Variants in GALNTL6 observed in about 807,000 individuals in gnomAD.
The protein encoded by GALNTL6 is polypeptide N-acetylgalactosaminyltransferase like 6.
Under a neutral mutation model 73.7 loss-of-function variants are expected in GALNTL6, and 46 were observed. The observed-to-expected ratio is 0.62, with a 90% CI of 0.49 to 0.80. GALNTL6 has a LOEUF of 0.80. Ranked by LOEUF, GALNTL6 falls within the 30% of genes least tolerant of loss-of-function variation. The pLI is 0.00. For missense variants in GALNTL6, 604 were observed against 755.0 expected (o/e 0.80, Z 2.34); for synonymous variants, 259 against 263.7 (o/e 0.98, Z 0.17).
chr4:172,855,157 CA>C (rs1160012719), intron 7 of GALNTL6, among the ~76,000 whole-genome samples: 1 of 126,080 alleles, frequency 7.9e-6, no homozygotes, highest in African/African-American at 3.0e-5. Context: ...GCAAATTATG[CA>C]AGTGGAAAGC....
chr4:172,723,327 C>A (rs1735597766), intron 5 of GALNTL6, among the ~76,000 whole-genome samples: 2 of 152,088 alleles, frequency 1.3e-5, no homozygotes, highest in South Asian at 2.1e-4. Flanking sequence ...AAAAAGAGGA[C>A]CTCTATTGTC....
At chr4:171,903,883 G>C (rs918072792) in intron 2 of GALNTL6, among the ~76,000 whole-genome samples, 90 of 152,248 alleles carry the variant, frequency 5.9e-4, no homozygotes, top group African/African-American at 1.6e-3. Context: ...AGCAGGGGCA[G>C]ACTGACACCT....
chr4:172,009,842 A>G (rs1382026091), intron 2 of GALNTL6, among the ~76,000 whole-genome samples: 4 of 152,090 alleles, frequency 2.6e-5, no homozygotes, highest in African/African-American at 9.7e-5. Flanking sequence ...GTGTTTCACT[A>G]TTAGGGACCT....
chr4:171,953,571 A>G (rs365185), intron 2 of GALNTL6, among the ~76,000 whole-genome samples: 1 of 152,030 alleles, frequency 6.6e-6, no homozygotes, highest in African/African-American at 2.4e-5. Context: ...CTCCTTAAAG[A>G]AAATTACAGA....
intron 2 of GALNTL6, among the ~76,000 whole-genome samples, chr4:171,853,120 C>T (rs1275403716): frequency 6.6e-6 from 1 of 150,834 alleles, no homozygotes; most frequent in East Asian, 2.0e-4. Context: ...GCTTCAGCCT[C>T]CCAAAGTGCT....
chr4:172,339,324 A>G (rs1578971787), intron 4 of GALNTL6, among the ~76,000 whole-genome samples: 1 of 128,282 alleles, frequency 7.8e-6, no homozygotes, highest in Middle Eastern at 4.2e-3. Flanking sequence ...CAGAGTTTCC[A>G]GGTCACCAAG....
intron 3 of GALNTL6, among the ~76,000 whole-genome samples, chr4:172,242,583 A>G (rs1472270122): frequency 6.6e-6 from 1 of 152,204 alleles, no homozygotes; most frequent in East Asian, 1.9e-4. Context: ...CAATGTATGT[A>G]TTCCACTATA....
intron 3 of GALNTL6, among the ~76,000 whole-genome samples, chr4:172,277,045 C>T (rs1032306418): frequency 2.0e-5 from 3 of 152,010 alleles, no homozygotes; most frequent in Non-Finnish European, 4.4e-5. Context: ...CTTCTGTTCA[C>T]TCTGAATCTC....
chr4:172,136,688 AATT>A (rs1386708289), intron 2 of GALNTL6, among the ~76,000 whole-genome samples: 1 of 151,740 alleles, frequency 6.6e-6, no homozygotes, highest in African/African-American at 2.4e-5. Flanking sequence ...AATTGAGAAA[AATT>A]ATGATCATAT....
intron 2 of GALNTL6, among the ~76,000 whole-genome samples, chr4:172,069,650 T>C: frequency 1.3e-5 from 1 of 77,602 alleles, no homozygotes; most frequent in East Asian, 2.8e-4. Flanking sequence ...TCCTCATACA[T>C]AGTATCTGAC....
At chr4:172,274,982 T>A (rs1307943918) in intron 3 of GALNTL6, among the ~76,000 whole-genome samples, 1 of 152,202 alleles carries the variant, frequency 6.6e-6, no homozygotes. Flanking sequence ...TGTCCTGTGG[T>A]ATTTTTCCAC....
chr4:172,847,867 G>A (rs1240881226), intron 7 of GALNTL6, among the ~76,000 whole-genome samples: 1 of 152,078 alleles, frequency 6.6e-6, no homozygotes, highest in Admixed American at 6.6e-5. Flanking sequence ...CACAACTAGG[G>A]GTCTTAAGAT....
chr4:172,095,812 C>T (rs6852572), intron 2 of GALNTL6, among the ~76,000 whole-genome samples: 150,108 of 152,244 alleles, frequency 0.99, 74,027 homozygotes, highest in Middle Eastern at 1. Context: ...CTTTCTTTAG[C>T]TGTTGGAAGA....
chr4:172,796,629 T>C (rs1740284414), intron 5 of GALNTL6, among the ~76,000 whole-genome samples: 1 of 152,224 alleles, frequency 6.6e-6, no homozygotes, highest in Non-Finnish European at 1.5e-5. Context: ...AATTCTTACA[T>C]GGTTCTTTTC....
chr4:172,638,304 G>A (rs1254527235), intron 5 of GALNTL6, among the ~76,000 whole-genome samples: 1 of 152,078 alleles, frequency 6.6e-6, no homozygotes, highest in Non-Finnish European at 1.5e-5. Flanking sequence ...AACTGGTTGT[G>A]GTCAAAATAG....
At chr4:172,302,091 G>T (rs893963326) in intron 3 of GALNTL6, among the ~76,000 whole-genome samples, 1 of 152,176 alleles carries the variant, frequency 6.6e-6, no homozygotes, top group Non-Finnish European at 1.5e-5. Flanking sequence ...CCCCAGCCTC[G>T]CTGCTGCCTT....
At chr4:172,398,236 G>A (rs922144444) in intron 5 of GALNTL6, among the ~76,000 whole-genome samples, 4 of 152,168 alleles carry the variant, frequency 2.6e-5, no homozygotes, top group Non-Finnish European at 4.4e-5. Flanking sequence ...AACAAAAGGA[G>A]TTAATGTTTA....
chr4:172,379,536 CAA>C (rs71592073), intron 5 of GALNTL6, among the ~76,000 whole-genome samples: 34 of 75,690 alleles, frequency 4.5e-4, no homozygotes, highest in East Asian at 3.5e-3. Flanking sequence ...GACTCCGTCT[CAA>C]AAAAAAAAAA....
intron 7 of GALNTL6, among the ~76,000 whole-genome samples, chr4:172,865,415 G>C (rs1449777456): frequency 6.6e-6 from 1 of 152,176 alleles, no homozygotes; most frequent in Non-Finnish European, 1.5e-5. Context: ...GTGACATCTG[G>C]TTTGGATGAC....
Sources: gnomAD v4.1 joint callset for allele counts (sites outside exome capture counted in the v4.1 genomes callset) on GRCh38, gnomAD v4.1.1 for gene constraint, MANE v1.5 for transcripts, NCBI Gene and HGNC (gene_info 2026-07-23, HGNC 2026-07-21) for gene names.